The following NCKAP5 variants were observed in gnomAD, a reference collection of about 807,000 sequenced individuals.
NCKAP5 encodes the protein nck-associated protein 5.
A neutral mutation model predicts 167.0 loss-of-function variants in NCKAP5; 92 were observed. The ratio of observed to expected loss-of-function variants is 0.55; its 90% confidence interval spans 0.47 to 0.66. NCKAP5 has a LOEUF of 0.66. Among genes scored for constraint, NCKAP5 ranks in the 30% least tolerant of loss-of-function variants. NCKAP5 has a pLI of 0.00. For missense variants in NCKAP5, 2,378 were observed against 2,315.0 expected (o/e 1.03, Z -0.56); for synonymous variants, 891 against 877.4 (o/e 1.02, Z -0.27).
At chr2:133,326,359 C>A (rs1177442332) in intron 3 of NCKAP5, among the ~76,000 whole-genome samples, 1 of 147,800 alleles carries the variant, frequency 6.8e-6, no homozygotes, top group Admixed American at 7.0e-5. Context: ...GAGGCTGAGG[C>A]AGGAGAATCA....
At chr2:133,323,513 A>G (rs1048329512) in intron 3 of NCKAP5, among the ~76,000 whole-genome samples, 1 of 152,216 alleles carries the variant, frequency 6.6e-6, no homozygotes, top group Non-Finnish European at 1.5e-5. Flanking sequence ...GTTAAAGAGG[A>G]GAGAATGATT....
At chr2:133,183,807 T>C (rs1489507278) in intron 5 of NCKAP5, among the ~76,000 whole-genome samples, 2 of 152,076 alleles carry the variant, frequency 1.3e-5, no homozygotes, top group African/African-American at 4.8e-5. Flanking sequence ...GAAGACATTG[T>C]CTATATAAAA....
intron 4 of NCKAP5, among the ~76,000 whole-genome samples, chr2:133,218,555 TC>T (rs1238973007): frequency 4.6e-5 from 7 of 152,178 alleles, no homozygotes; most frequent in African/African-American, 1.4e-4. Context: ...TTTGAGAACT[TC>T]AACTGAAAGA....
chr2:133,662,272 A>T, the NCKAP5 span, among the ~76,000 whole-genome samples: 1 of 152,216 alleles, frequency 6.6e-6, no homozygotes, highest in South Asian at 2.1e-4. Flanking sequence ...TGAAAAAGCA[A>T]ATAGTGTAAT....
At chr2:133,158,779 T>C (rs1159376397) in intron 5 of NCKAP5, among the ~76,000 whole-genome samples, 1 of 152,082 alleles carries the variant, frequency 6.6e-6, no homozygotes, top group Non-Finnish European at 1.5e-5. Context: ...TAACACAATA[T>C]CATGCCTCAT....
intron 11 of NCKAP5, among the ~76,000 whole-genome samples, chr2:132,827,005 G>T (rs562483320): frequency 6.6e-6 from 1 of 152,210 alleles, no homozygotes; most frequent in Admixed American, 6.5e-5. Context: ...ATCGACAGAG[G>T]CACTGATACG....
intron 7 of NCKAP5, among the ~76,000 whole-genome samples, chr2:132,986,679 G>T (rs2077298283): frequency 1.3e-5 from 2 of 152,082 alleles, no homozygotes; most frequent in Non-Finnish European, 2.9e-5. Context: ...TTTTAAAAAA[G>T]ATATCTTTTA....
At chr2:132,999,470 C>T (rs916210838) in intron 6 of NCKAP5, among the ~76,000 whole-genome samples, 8 of 152,162 alleles carry the variant, frequency 5.3e-5, no homozygotes, top group African/African-American at 1.9e-4. Context: ...GGATCTGTTT[C>T]CAGTGTCTCA....
intron 6 of NCKAP5, among the ~76,000 whole-genome samples, chr2:133,005,147 C>G (rs1310155427): frequency 6.6e-6 from 1 of 152,134 alleles, no homozygotes; most frequent in Admixed American, 6.5e-5. Context: ...CATACATCCT[C>G]AGCTTACGAA....
rs368307171 is a variant in NCKAP5 at position 132,682,082 on chromosome 2, T to C, written c.5714-8777A>G. 4.6e-5 allele frequency among the ~76,000 whole-genome samples: 7 copies of C among 152,352 alleles called. No individual in the cohort carries two copies. The East Asian group carries it at 1.4e-3, about 29-fold the overall frequency. Reference sequence around the variant, plus strand: ...CCTGACAGCCAGGACAATTCAGAATTGGAACAAATTTATTGATCCTTATTC... The same window carrying C: ...CCTGACAGCCAGGACAATTCAGAATCGGAACAAATTTATTGATCCTTATTC... On this transcript the variant is annotated intron_variant, in intron 19 of 19. Coordinates refer to ENST00000409261, the MANE Select transcript of NCKAP5 (RefSeq NM_207363.3).
intron 6 of NCKAP5, among the ~76,000 whole-genome samples, chr2:133,016,388 A>G (rs973423997): frequency 6.6e-6 from 1 of 152,212 alleles, no homozygotes; most frequent in African/African-American, 2.4e-5. Flanking sequence ...CTGTTTTGAT[A>G]ATAGCGGCTC....
At chr2:132,765,521 G>A (rs1262272473) in intron 16 of NCKAP5, among the ~76,000 whole-genome samples, 2 of 151,862 alleles carry the variant, frequency 1.3e-5, no homozygotes, top group East Asian at 3.9e-4. Flanking sequence ...CATCATGTTG[G>A]CCAGGATGGT....
intron 3 of NCKAP5, among the ~76,000 whole-genome samples, chr2:133,447,521 C>T (rs977614282): frequency 1.4e-5 from 2 of 144,524 alleles, no homozygotes; most frequent in Non-Finnish European, 3.0e-5. Context: ...CTTCCTTTCC[C>T]TTCCTTTCCC....
chr2:133,513,699 C>T (rs2151428675), intron 3 of NCKAP5, among the ~76,000 whole-genome samples: 1 of 152,304 alleles, frequency 6.6e-6, no homozygotes, highest in African/African-American at 2.4e-5. Context: ...GCTTATAAAA[C>T]TATACTGCTG....
Position 132,781,039 on chromosome 2 carries a change from G to A in NCKAP5, c.5049+13C>T. On this transcript the variant is annotated intron_variant, in intron 15 of 19. Coordinates refer to ENST00000409261, the MANE Select transcript of NCKAP5 (RefSeq NM_207363.3). ...GATTGTAGCACTTGATACCAGGATG[G>A]TGGAGCACTTACCAGGGAGTCTTTT... is the stretch of plus-strand genomic sequence containing the variant. The A allele has an allele frequency of 1.2e-6, 2 of 1,612,140 alleles. No individual in the cohort carries two copies. Among genetic ancestry groups the A allele is most frequent in the Non-Finnish European group, 1.7e-6 (2 of 1,179,006 alleles).
rs75905484 is a variant in NCKAP5 at position 132,746,996 on chromosome 2, G to A, written c.5129-14945C>T. The stretch of plus-strand genomic sequence containing the variant: ...TAGGAGAGGGTGGGGTGTAAAAGGC[G>A]TGAAGGAGTATTTTGGGGTGATGAA... On this transcript the variant is annotated intron_variant, in intron 16 of 19. Transcript: ENST00000409261. Among the ~76,000 whole-genome samples the A allele has an allele frequency of 1.5e-3, 221 of 152,218 alleles. 4 individuals are homozygous for A. The East Asian group carries it at 0.035, about 24-fold the overall frequency.
chr2:133,209,037 T>C (rs992097151), intron 5 of NCKAP5, among the ~76,000 whole-genome samples: 3 of 150,602 alleles, frequency 2.0e-5, no homozygotes, highest in Non-Finnish European at 3.0e-5. Context: ...CTCTACCTCA[T>C]GTCAAAATAA....
rs1311263004 is a variant in NCKAP5 at position 132,782,023 on chromosome 2, G to A, written c.4788C>T (p.Asn1596=). Residue 1596 remains asparagine (N), a synonymous_variant, in exon 14 of 20, where the codon AAC becomes AAT. Transcript: ENST00000409261. ...TATTCCTTGGTTCAATCTTCAGTTG[G>A]TTGTAAATGTCTTGTGGTGTTCTCC... ...NNRRTPQDIY[N]QLKIEPRNRH... is the part of the protein sequence containing the mutation. 2.5e-6 allele frequency: 4 copies of A among 1,613,872 alleles called. No individual in the cohort carries two copies. In the South Asian group the frequency reaches 4.4e-5, roughly 18 times the overall value.
At chr2:133,297,476 G>C (rs911327164) in intron 4 of NCKAP5, among the ~76,000 whole-genome samples, 3 of 152,054 alleles carry the variant, frequency 2.0e-5, no homozygotes, top group Middle Eastern at 3.2e-3. Context: ...CAGAATATTA[G>C]ACAGGACCCC....
Sources: allele counts gnomAD v4.1 joint callset (sites outside exome capture counted in the v4.1 genomes callset), GRCh38; gene constraint gnomAD v4.1.1; transcripts MANE v1.5; gene names NCBI Gene and HGNC (gene_info 2026-07-23, HGNC 2026-07-21).